HNF1B: variants seen among roughly 807,000 people sequenced by gnomAD.
HNF1B encodes the protein HNF1 homeobox B, also known as hepatocyte nuclear factor 1-beta.
HNF1B carries 8 observed loss-of-function variants against 61.7 expected under a neutral mutation model. That is an observed-to-expected ratio of 0.13 (90% CI 0.08 to 0.23). HNF1B has a LOEUF of 0.23. Ranked by LOEUF, HNF1B falls within the 10% of genes least tolerant of loss-of-function variation. HNF1B has a pLI of 1.00. For synonymous variants in HNF1B, 314 were observed against 287.7 expected, an observed-to-expected ratio of 1.09 and a Z score of -0.93; for missense variants, 562 against 714.5, an observed-to-expected ratio of 0.79 and a Z score of 2.43.
chr17:37,705,260 A>T (rs1190638260), intron 5 of HNF1B, among the ~76,000 whole-genome samples: 1 of 152,192 alleles, frequency 6.6e-6, no homozygotes. Context: ...GCCTGAGCTC[A>T]GGAGTTCAAG....
chr17:37,727,806 G>C (rs1160902241), intron 4 of HNF1B, among the ~76,000 whole-genome samples: 1 of 152,132 alleles, frequency 6.6e-6, no homozygotes, highest in East Asian at 1.9e-4. Context: ...TCTAGGAAGA[G>C]GGTTCTGGGG....
intron 1 of HNF1B, among the ~76,000 whole-genome samples, chr17:37,743,373 C>G (rs1325164996): frequency 6.6e-6 from 1 of 152,228 alleles, no homozygotes; most frequent in Non-Finnish European, 1.5e-5. Context: ...CACCTCCGGG[C>G]GGGAGAGCGA....
chr17:37,699,398 T>G (rs1339130308), intron 7 of HNF1B, among the ~76,000 whole-genome samples: 1 of 140,306 alleles, frequency 7.1e-6, no homozygotes, highest in Non-Finnish European at 1.5e-5. Context: ...ATGTGGATGC[T>G]TGGCTGTGAG....
At chr17:37,691,184 G>A (rs2032190021) in intron 8 of HNF1B, among the ~76,000 whole-genome samples, 1 of 152,206 alleles carries the variant, frequency 6.6e-6, no homozygotes, top group Admixed American at 6.5e-5. Context: ...TCGTGAGCTG[G>A]ACACAGTGAG....
At chr17:37,692,804 A>G (rs1247124804) in intron 8 of HNF1B, among the ~76,000 whole-genome samples, 1 of 152,180 alleles carries the variant, frequency 6.6e-6, no homozygotes, top group African/African-American at 2.4e-5. Flanking sequence ...CCCAAGAGGT[A>G]GGATGTGCTT....
At chr17:37,717,412 C>A (rs1274310678) in intron 4 of HNF1B, among the ~76,000 whole-genome samples, 1 of 152,178 alleles carries the variant, frequency 6.6e-6, no homozygotes, top group African/African-American at 2.4e-5. Context: ...TGCAGCCCAG[C>A]CCTGTTGGGT....
chr17:37,734,611 T>C (rs984376006), intron 2 of HNF1B, among the ~76,000 whole-genome samples: 3 of 152,168 alleles, frequency 2.0e-5, no homozygotes, highest in African/African-American at 7.2e-5. Flanking sequence ...ATATCTACAT[T>C]ACCGAAGAAG....
chr17:37,709,801 C>T lies in HNF1B; in HGVS notation c.1206+702G>A, dbSNP rs114884783. Among the ~76,000 whole-genome samples, 1,496 of 152,210 alleles carry T rather than the reference C, an allele frequency of 9.8e-3. 25 individuals are homozygous for T. Among genetic ancestry groups the T allele is most frequent in the African/African-American group, 0.034 (1,427 of 41,496 alleles). ...ATGCCCCCACCAAGTCTATTGTTAC[C>T]GCCCCCATTTTATAGATGAGGAAGA... On this transcript the variant is annotated intron_variant, in intron 5 of 8. Transcript: ENST00000617811.
In HNF1B at chr17:37,733,635, T is replaced by C. The variant is rs1168877376; in HGVS notation, c.731A>G (p.Gln244Arg). The change falls in exon 3 of 9, where the codon CAA becomes CGA. Residue 244 changes from glutamine to arginine, a missense_variant. Gln to Arg is a conservative substitution (Grantham distance 43, BLOSUM62 1). This residue lies in a region of HNF1B where 54 missense variants were observed against 122.1 expected (regional missense o/e 0.44). Transcript: ENST00000617811. Reference protein sequence around the residue: ...NRFKWGPASQQILYQAYDRQK... With the variant: ...NRFKWGPASQRILYQAYDRQK... Reference sequence around the variant, plus strand: ...CCGATCGTAGGCCTGGTACAAGATTTGCTGGGACGCGGGCCCCCATTTGAA... The same window carrying C: ...CCGATCGTAGGCCTGGTACAAGATTCGCTGGGACGCGGGCCCCCATTTGAA... 1 of 1,614,142 alleles carries C rather than the reference T, an allele frequency of 6.2e-7. No individual in the cohort carries two copies. Among genetic ancestry groups the C allele is most frequent in the Admixed American group, 1.7e-5 (1 of 60,018 alleles).
intron 4 of HNF1B, among the ~76,000 whole-genome samples, chr17:37,723,842 ATT>A (rs1219812866): frequency 6.6e-6 from 1 of 152,138 alleles, no homozygotes; most frequent in Non-Finnish European, 1.5e-5. Context: ...TTACATATAT[ATT>A]ATCTTATTTA....
At position 37,737,522 on chromosome 17, in the gene HNF1B, G is replaced by A. The variant is rs137858872; in HGVS notation, c.544+1918C>T. Reference sequence around the variant, plus strand: ...AATGTTTCTTAAGCTTTTATGTCTCGTGTGACTTTAAAACAAAAATAACAA... The same window carrying A: ...AATGTTTCTTAAGCTTTTATGTCTCATGTGACTTTAAAACAAAAATAACAA... On this transcript the variant is annotated intron_variant, in intron 2 of 8. Coordinates refer to ENST00000617811, the MANE Select transcript of HNF1B (RefSeq NM_000458.4). Among the ~76,000 whole-genome samples, 827 of 152,196 alleles carry A rather than the reference G, an allele frequency of 5.4e-3. 10 individuals carry two copies. Among genetic ancestry groups the A allele is most frequent in the African/African-American group, 0.018 (767 of 41,528 alleles).
intron 3 of HNF1B, 68 bp from the exon 4 acceptor site, chr17:37,731,898 A>T (rs2033700072): frequency 9.6e-7 from 1 of 1,039,412 alleles, no homozygotes; most frequent in Non-Finnish European, 1.5e-6. Flanking sequence ...CTTGGCCAAA[A>T]ACACACAATC....
chr17:37,696,342 C>A (rs1022475178), intron 8 of HNF1B, among the ~76,000 whole-genome samples: 1 of 152,056 alleles, frequency 6.6e-6, no homozygotes, highest in Non-Finnish European at 1.5e-5. Flanking sequence ...GAGGCTGAGG[C>A]GGGAGGACTG....
intron 1 of HNF1B, among the ~76,000 whole-genome samples, chr17:37,741,783 C>T (rs1310087061): frequency 6.6e-6 from 1 of 152,108 alleles, no homozygotes; most frequent in Non-Finnish European, 1.5e-5. Context: ...GGGTACTGTT[C>T]TAAGTGGGAA....
intron 3 of HNF1B, among the ~76,000 whole-genome samples, chr17:37,732,849 G>GAT (rs1273140310): frequency 6.7e-6 from 1 of 148,628 alleles, no homozygotes; most frequent in Non-Finnish European, 1.5e-5. Context: ...TTGTTTTTTT[G>GAT]TTTTTTTTTT....
chr17:37,740,697 A>G (rs1483886881), intron 1 of HNF1B, among the ~76,000 whole-genome samples: 2 of 152,088 alleles, frequency 1.3e-5, no homozygotes, highest in East Asian at 1.9e-4. Flanking sequence ...TAATGGGGAC[A>G]AATAACTTCA....
intron 8 of HNF1B, among the ~76,000 whole-genome samples, chr17:37,690,345 C>T (rs1260271474): frequency 6.6e-6 from 1 of 152,136 alleles, no homozygotes; most frequent in Non-Finnish European, 1.5e-5. Flanking sequence ...GGCATAATCA[C>T]ATAGGGTCCT....
At chr17:37,721,008 T>C in intron 4 of HNF1B, 1 of 939,544 alleles carries the variant, frequency 1.1e-6, no homozygotes, top group African/African-American at 1.8e-5. Context: ...ATAGGAGATG[T>C]TGTTTAAGGG....
intron 8 of HNF1B, among the ~76,000 whole-genome samples, chr17:37,698,785 A>G (rs1386160391): frequency 6.6e-6 from 1 of 152,116 alleles, no homozygotes; most frequent in Non-Finnish European, 1.5e-5. Context: ...CTATTAGGGA[A>G]CACTCAATCT....
Sources: allele counts gnomAD v4.1 joint callset (sites outside exome capture counted in the v4.1 genomes callset), GRCh38; gene constraint gnomAD v4.1.1; regional missense constraint gnomAD v4.1.1; transcripts MANE v1.5; gene names NCBI Gene and HGNC (gene_info 2026-07-23, HGNC 2026-07-21).